Variants in GRID2 observed in about 807,000 individuals in gnomAD.
GRID2 encodes the protein glutamate ionotropic receptor delta type subunit 2.
In GRID2, 33 loss-of-function variants were observed where a neutral mutation model predicts 114.8. That is an observed-to-expected ratio of 0.29 (90% confidence interval 0.22 to 0.38). GRID2 has a LOEUF of 0.38. Among genes scored for constraint, GRID2 ranks in the 10% least tolerant of loss-of-function variants. The probability of loss-of-function intolerance (pLI) is 1.00; values close to 1 mark genes in which losing one functional copy is unlikely to be tolerated. For synonymous variants in GRID2, 505 were observed against 449.9 expected (o/e 1.12, Z -1.55); for missense variants, 1,184 against 1,257.7 (o/e 0.94, Z 0.89).
chr4:92,838,029 T>C (rs1261748733), intron 2 of GRID2, among the ~76,000 whole-genome samples: 1 of 152,058 alleles, frequency 6.6e-6, no homozygotes, highest in East Asian at 1.9e-4. Context: ...ATTATGAACC[T>C]AAACTCATCT....
intron 13 of GRID2, among the ~76,000 whole-genome samples, chr4:93,623,863 T>C (rs1742439599): frequency 6.6e-6 from 1 of 152,186 alleles, no homozygotes; most frequent in Non-Finnish European, 1.5e-5. Context: ...TTTCTCCTAA[T>C]TAAATTTGCA....
At chr4:93,146,806 A>G (rs1736308687) in intron 4 of GRID2, among the ~76,000 whole-genome samples, 1 of 152,196 alleles carries the variant, frequency 6.6e-6, no homozygotes, top group African/African-American at 2.4e-5. Context: ...GGGATTAACT[A>G]GACATCATTC....
chr4:93,548,859 A>C (rs1733490172), intron 13 of GRID2, among the ~76,000 whole-genome samples: 1 of 152,192 alleles, frequency 6.6e-6, no homozygotes, highest in Non-Finnish European at 1.5e-5. Flanking sequence ...TATTTTCTTA[A>C]TAACCTTTGC....
At chr4:93,052,562 G>A (rs1726823691) in intron 2 of GRID2, among the ~76,000 whole-genome samples, 2 of 151,976 alleles carry the variant, frequency 1.3e-5, no homozygotes, top group East Asian at 1.9e-4. Flanking sequence ...AAGCACTTGT[G>A]TATCTAAACA....
intron 12 of GRID2, among the ~76,000 whole-genome samples, chr4:93,497,454 A>G (rs1025520324): frequency 1.3e-5 from 2 of 151,830 alleles, no homozygotes; most frequent in African/African-American, 4.8e-5. Flanking sequence ...AAGGTCATGA[A>G]GATTTTCTCC....
rs760952838 is a variant in GRID2 at position 93,772,068 on chromosome 4, A to G, written c.2602-8A>G. 6 of 1,576,076 alleles carry G rather than the reference A, an allele frequency of 3.8e-6. No individual in the cohort carries two copies. In the Admixed American group the frequency reaches 6.8e-5, roughly 18 times the overall value. Reference sequence around the variant, plus strand: ...TGAGAACCTTATTTTCTTTTTCTTCATCTCCAGGATGACAAGGAAATTGAC... The same window carrying G: ...TGAGAACCTTATTTTCTTTTTCTTCGTCTCCAGGATGACAAGGAAATTGAC... On this transcript the variant is annotated splice_polypyrimidine_tract_variant and splice_region_variant and intron_variant, in intron 15 of 15. Coordinates refer to ENST00000282020, the MANE Select transcript of GRID2 (RefSeq NM_001510.4).
intron 4 of GRID2, among the ~76,000 whole-genome samples, chr4:93,199,194 A>C (rs893486673): frequency 6.6e-6 from 1 of 152,122 alleles, no homozygotes. Flanking sequence ...GCCCAGGAAA[A>C]CCCCAATGCC....
At chr4:93,438,786 C>G (rs1721342791) in intron 10 of GRID2, among the ~76,000 whole-genome samples, 1 of 151,980 alleles carries the variant, frequency 6.6e-6, no homozygotes, top group Non-Finnish European at 1.5e-5. Flanking sequence ...CACCCATTAA[C>G]TTGTCATTTA....
chr4:93,232,822 A>T (rs1746299805), intron 7 of GRID2, among the ~76,000 whole-genome samples: 1 of 152,158 alleles, frequency 6.6e-6, no homozygotes, highest in Non-Finnish European at 1.5e-5. Context: ...TGATAAAAAT[A>T]TTGAAATTAT....
intron 11 of GRID2, 39 bp from the exon 12 acceptor site, chr4:93,490,600 T>G: frequency 2.0e-6 from 3 of 1,534,546 alleles, no homozygotes; most frequent in Non-Finnish European, 2.7e-6. Flanking sequence ...CAATAAATAC[T>G]AGTTGATGTT....
chr4:92,872,260 G>A lies in GRID2; in HGVS notation c.245-212735G>A, dbSNP rs1015521126. On this transcript the variant is annotated intron_variant, in intron 2 of 15. Transcript: ENST00000282020. ...ATTTATGAACACATTTATGAAGAAA[G>A]AATATATGAAGAAAGCTGTTCAAAT... 8.0e-4 allele frequency among the ~76,000 whole-genome samples: 122 copies of A among 152,088 alleles called. 2 individuals are homozygous for A. The highest frequency in any genetic ancestry group is 6.6e-3 in the Admixed American group (101 of 15,262).
chr4:93,455,573 A>ATTT, intron 10 of GRID2, 89 bp from the exon 11 acceptor site: 1 of 761,486 alleles, frequency 1.3e-6, no homozygotes, highest in Non-Finnish European at 2.2e-6. Context: ...TGAGGCATCT[A>ATTT]TTTTTTTTTC....
chr4:92,403,713 T>G, intron 1 of GRID2, among the ~76,000 whole-genome samples: 1 of 148,440 alleles, frequency 6.7e-6, no homozygotes, highest in Admixed American at 6.7e-5. Context: ...AATAAATAAA[T>G]AAATAAATAA....
At chr4:93,714,276 C>T (rs1728724909) in intron 14 of GRID2, among the ~76,000 whole-genome samples, 1 of 152,068 alleles carries the variant, frequency 6.6e-6, no homozygotes, top group Non-Finnish European at 1.5e-5. Context: ...ATTCTCATTC[C>T]TTTTTATGGC....
At chr4:93,361,319 A>G (rs1442084426) in intron 8 of GRID2, among the ~76,000 whole-genome samples, 2 of 152,054 alleles carry the variant, frequency 1.3e-5, no homozygotes, top group Non-Finnish European at 2.9e-5. Flanking sequence ...GGTTTTGGCA[A>G]CTATAGTCTG....
At chr4:93,304,704 TTAAAC>T (rs1309080456) in intron 8 of GRID2, among the ~76,000 whole-genome samples, 1 of 151,966 alleles carries the variant, frequency 6.6e-6, no homozygotes, top group Non-Finnish European at 1.5e-5. Context: ...GAAAAAAAAA[TTAAAC>T]TAAAACAAAA....
chr4:93,648,978 C>G (rs193023510), intron 14 of GRID2, among the ~76,000 whole-genome samples: 3 of 152,116 alleles, frequency 2.0e-5, no homozygotes, highest in Non-Finnish European at 4.4e-5. Flanking sequence ...TAAAGCAAAG[C>G]TTAGCACAAA....
At chr4:93,617,918 T>C (rs773023369) in intron 13 of GRID2, among the ~76,000 whole-genome samples, 199 of 152,276 alleles carry the variant, frequency 1.3e-3, no homozygotes, top group Middle Eastern at 6.8e-3. Context: ...GCCATATCCA[T>C]CTGCTACAAA....
intron 2 of GRID2, among the ~76,000 whole-genome samples, chr4:92,917,430 T>A (rs1374635195): frequency 6.6e-6 from 1 of 152,238 alleles, no homozygotes; most frequent in South Asian, 2.1e-4. Flanking sequence ...CATGAAGTCC[T>A]TGCCCATGTC....
Sources: gnomAD v4.1 joint callset for allele counts (sites outside exome capture counted in the v4.1 genomes callset) on GRCh38, gnomAD v4.1.1 for gene constraint, MANE v1.5 for transcripts, NCBI Gene and HGNC (gene_info 2026-07-23, HGNC 2026-07-21) for gene names.